Variants in RAD23A observed in about 807,000 individuals in gnomAD.
The protein encoded by RAD23A is lysine-specific demethylase RAD23A.
Under a neutral mutation model 44.8 loss-of-function variants are expected in RAD23A, and 16 were observed. That is an observed-to-expected ratio of 0.36 (90% confidence interval 0.24 to 0.54). RAD23A has a LOEUF of 0.54. RAD23A is among the 20% of genes least tolerant of loss of function. RAD23A has a pLI of 0.89. For missense variants in RAD23A, 380 were observed against 483.3 expected, an observed-to-expected ratio of 0.79 and a Z score of 2.00; for synonymous variants, 217 against 202.9, an observed-to-expected ratio of 1.07 and a Z score of -0.59.
At chr19:12,949,761 G>C (rs1398181991) in intron 7 of RAD23A, among the ~76,000 whole-genome samples, 1 of 152,168 alleles carries the variant, frequency 6.6e-6, no homozygotes, top group South Asian at 2.1e-4. Flanking sequence ...ATGGTGCTGC[G>C]TAAATGTCTG....
chr19:12,949,174 G>A lies in RAD23A; in HGVS notation c.679+15G>A. The A allele has an allele frequency of 6.2e-7, 1 of 1,614,104 alleles. No homozygotes were observed. Among genetic ancestry groups the A allele is most frequent in the Non-Finnish European group, 8.5e-7 (1 of 1,179,974 alleles). On this transcript the variant is annotated intron_variant, in intron 6 of 8. Transcript: ENST00000586534. ...CACGGAAGCAGGTGGGTGTGCACAT[G>A]CCGCATCTGCCCTCCAGGTACCTGA...
At chr19:12,946,802 G>C (rs1459986201) in intron 1 of RAD23A, among the ~76,000 whole-genome samples, 1 of 152,192 alleles carries the variant, frequency 6.6e-6, no homozygotes, top group African/African-American at 2.4e-5. Flanking sequence ...GGGAGACATT[G>C]AAGTCCACTT....
rs368352097 is a variant in RAD23A, at chr19:12,948,708, G to A, written c.495G>A (p.Thr165=). ...CAGTGACGGGCTCTGAGTATGAGAC[G>A]ATGCTGACGGAGATCATGTCCATGG... ...STLVTGSEYE[T]MLTEIMSMGY... Residue 165 remains threonine, a synonymous_variant, in exon 5 of 9, where the codon ACG becomes ACA. Coordinates refer to ENST00000586534, the MANE Select transcript of RAD23A (RefSeq NM_005053.4). The surrounding 1 kb of genome is among the most constrained non-coding windows in gnomAD (Gnocchi z 5.5). 2.8e-5 allele frequency: 45 copies of A among 1,613,112 alleles called. No homozygotes were observed. Among genetic ancestry groups the A allele is most frequent in the Non-Finnish European group, 3.6e-5 (43 of 1,179,876 alleles).
rs1342265067 is a variant in RAD23A, at chr19:12,948,085, G to C, written c.234+76G>C. 16 of 1,607,700 alleles carry C rather than the reference G, an allele frequency of 1.0e-5. No homozygotes were observed. Among genetic ancestry groups the C allele is most frequent in the Non-Finnish European group, 1.3e-5 (15 of 1,176,334 alleles). Reference sequence around the variant, plus strand: ...GCAAAGAGCCTGTGTGCCCAGGAGAGATTAGCTGTGAACAGGGCGGGGCCA... The same window carrying C: ...GCAAAGAGCCTGTGTGCCCAGGAGACATTAGCTGTGAACAGGGCGGGGCCA... On this transcript the variant is annotated intron_variant, in intron 2 of 8. Coordinates refer to ENST00000586534, the MANE Select transcript of RAD23A (RefSeq NM_005053.4). This position sits in a 1 kb window ranked among gnomAD's most constrained non-coding sequence, Gnocchi z 5.5.
At chr19:12,950,774 C>T (rs1971790815) in intron 7 of RAD23A, among the ~76,000 whole-genome samples, 1 of 152,154 alleles carries the variant, frequency 6.6e-6, no homozygotes, top group Non-Finnish European at 1.5e-5. Context: ...TCAGAGCTTC[C>T]AGATACCCAG....
Position 12,946,023 on chromosome 19 carries a change from G to A in RAD23A, c.72+3G>A. ...TCCGCATGGAGCCTGACGAGACGGT[G>A]CGGGCCGGGCCGGAGCCCGGGGGCG... is the stretch of plus-strand genomic sequence containing the variant. On this transcript the variant is annotated splice_donor_region_variant and intron_variant, in intron 1 of 8. Coordinates refer to ENST00000586534, the MANE Select transcript of RAD23A (RefSeq NM_005053.4). 1 of 1,598,852 alleles carries A rather than the reference G, an allele frequency of 6.3e-7. No homozygotes were observed. Among genetic ancestry groups the A allele is most frequent in the Non-Finnish European group, 8.5e-7 (1 of 1,174,932 alleles).
rs1201745552 is a variant in RAD23A at position 12,949,017 on chromosome 19, C to A, written c.601-64C>A. ...GGCCGAGGCCTCATCTGTGTCCTGC[C>A]AGGGCATGGAGGAGGGTGGCAGCAG... is the stretch of plus-strand genomic sequence containing the variant. On this transcript the variant is annotated intron_variant, in intron 5 of 8. Transcript: ENST00000586534. 1.9e-6 allele frequency: 3 copies of A among 1,569,384 alleles called. No individual in the cohort carries two copies. In the African/African-American group the frequency reaches 4.1e-5, roughly 21 times the overall value.
chr19:12,946,466 C>T (rs1971677602), intron 1 of RAD23A, among the ~76,000 whole-genome samples: 1 of 152,202 alleles, frequency 6.6e-6, no homozygotes, highest in Non-Finnish European at 1.5e-5. Context: ...AAACGGGTCT[C>T]AGTCTTTATA....
chr19:12,949,584 C>T, intron 7 of RAD23A, 176 bp downstream of exon 7: 1 of 784,946 alleles, frequency 1.3e-6, no homozygotes. Flanking sequence ...CTCAGTCTTC[C>T]CAACCACCTT....
rs750668256 is a variant in RAD23A at position 12,949,271 on chromosome 19, C to A, written c.680-4C>A. On this transcript the variant is annotated splice_polypyrimidine_tract_variant and splice_region_variant and intron_variant, in intron 6 of 8. Transcript: ENST00000586534. ...TGTCTGACTGCACCCCTTCCTACTA[C>A]CAGCAGGAGAGAACCCCCTGGAGTT... 4 of 1,614,032 alleles carry A rather than the reference C, an allele frequency of 2.5e-6. No homozygotes were observed. Among genetic ancestry groups the A allele is most frequent in the Non-Finnish European group, 3.4e-6 (4 of 1,179,886 alleles).
chr19:12,947,972 T>A lies in RAD23A; in HGVS notation c.197T>A (p.Ile66Asn). The change falls in exon 2 of 9, where the codon ATC becomes AAC. Residue 66 changes from isoleucine (I) to asparagine (N), a missense_variant. Ile to Asn is a moderately radical substitution (Grantham distance 149, BLOSUM62 -3). This residue lies in a region of RAD23A where 70 missense variants were observed against 106.0 expected (regional missense o/e 0.66). Coordinates refer to ENST00000586534, the MANE Select transcript of RAD23A (RefSeq NM_005053.4). ...GATGTCCCTATCAGGGACTATCGCA[T>A]CGATGAGAAGAACTTTGTGGTCGTC... ...SDDVPIRDYR[I>N]DEKNFVVVMV... The A allele has an allele frequency of 6.2e-7, 1 of 1,613,896 alleles. No individual in the cohort carries two copies. Among genetic ancestry groups the A allele is most frequent in the Non-Finnish European group, 8.5e-7 (1 of 1,180,028 alleles).
In RAD23A at chr19:12,945,915, G is replaced by T. The variant is rs770339893; in HGVS notation, c.-34G>T. The T allele has an allele frequency of 6.2e-7, 1 of 1,604,472 alleles. No homozygotes were observed. Among genetic ancestry groups the T allele is most frequent in the Non-Finnish European group, 8.5e-7 (1 of 1,176,388 alleles). On this transcript the variant is annotated 5_prime_UTR_variant, in exon 1 of 9. Transcript: ENST00000586534. ...CGGCGTGAGTTGCATGTTGTGTGAG[G>T]ATCCCGGGGCCGCCGCGTCGCTCGG...
Position 12,952,856 on chromosome 19 carries a change from A to G in RAD23A, c.978+3A>G. 6.2e-7 allele frequency: 1 copy of G among 1,603,834 alleles called. No homozygotes were observed. The stretch of plus-strand genomic sequence containing the variant: ...AGGAGAAAGAAGCTATAGAGAGGGT[A>G]AGAGGCCTGGCTGAGGGGTGACTGC... On this transcript the variant is annotated splice_donor_region_variant and intron_variant, in intron 8 of 8. Coordinates refer to ENST00000586534, the MANE Select transcript of RAD23A (RefSeq NM_005053.4).
In RAD23A at chr19:12,945,979, C is replaced by A; in HGVS notation, c.31C>A (p.Gln11Lys). ...CGTCACCATCACGCTCAAAACGCTG[C>A]AGCAGCAGACCTTCAAGATCCGCAT... MAVTITLKTLQQQTFKIRMEP... is the reference protein window; with the variant it reads MAVTITLKTLKQQTFKIRMEP... Residue 11 changes from glutamine to lysine, a missense_variant, in exon 1 of 9, where the codon CAG (glutamine) becomes AAG (lysine). Physicochemically the swap from Gln to Lys is moderately conservative, Grantham distance 53. This residue lies in a region of RAD23A where 70 missense variants were observed against 106.0 expected (regional missense o/e 0.66). Coordinates refer to ENST00000586534, the MANE Select transcript of RAD23A (RefSeq NM_005053.4). 1 of 1,606,848 alleles carries A rather than the reference C, an allele frequency of 6.2e-7. No individual in the cohort carries two copies. The highest frequency in any genetic ancestry group is 8.5e-7 in the Non-Finnish European group (1 of 1,178,002).
intron 1 of RAD23A, among the ~76,000 whole-genome samples, chr19:12,946,762 A>T (rs1420923093): frequency 4.6e-5 from 7 of 152,226 alleles, no homozygotes; most frequent in Admixed American, 4.6e-4. Flanking sequence ...CTGAATGTCT[A>T]TTGGGTACTT....
rs1440148085 is a variant in RAD23A at position 12,948,162 on chromosome 19, T to G, written c.235-15T>G. The G allele has an allele frequency of 6.2e-7, 1 of 1,613,874 alleles. No individual in the cohort carries two copies. The highest frequency in any genetic ancestry group is 8.5e-7 in the Non-Finnish European group (1 of 1,179,976). On this transcript the variant is annotated splice_polypyrimidine_tract_variant and intron_variant, in intron 2 of 8. Transcript: ENST00000586534. This position sits in a 1 kb window ranked among gnomAD's most constrained non-coding sequence, Gnocchi z 5.5. ...AGGGTTGCTGATGCCAGCTCCCTTT[T>G]TCTTGCTGTTGCAGACCAAAGCCGG...
At chr19:12,946,080 C>A in intron 1 of RAD23A, 60 bp downstream of exon 1, 4 of 198,778 alleles carry the variant, frequency 2.0e-5, no homozygotes, top group Admixed American at 9.4e-5. Context: ...GGGGTGGGGG[C>A]GGGGAGGCTA....
intron 1 of RAD23A, among the ~76,000 whole-genome samples, 196 bp downstream of exon 1, chr19:12,946,216 T>C (rs1971669744): frequency 6.6e-6 from 1 of 152,168 alleles, no homozygotes. Context: ...GCGGCGCTCC[T>C]GCGCCGGTCT....
At chr19:12,951,013 G>A (rs568685988) in intron 7 of RAD23A, among the ~76,000 whole-genome samples, 5 of 152,326 alleles carry the variant, frequency 3.3e-5, no homozygotes, top group African/African-American at 4.8e-5. Context: ...ACAGTGAACC[G>A]AGATTGCCCC....
Sources: gnomAD v4.1 joint callset for allele counts (sites outside exome capture counted in the v4.1 genomes callset) on GRCh38, gnomAD v4.1.1 for gene constraint, gnomAD v4.1.1 regional missense constraint, Gnocchi (gnomAD v3.1) non-coding constraint, MANE v1.5 for transcripts, NCBI Gene and HGNC (gene_info 2026-07-23, HGNC 2026-07-21) for gene names.